PCED1B: variants seen among roughly 807,000 people sequenced by gnomAD.
PCED1B encodes the protein PC-esterase domain-containing protein 1B.
For synonymous variants in PCED1B, 251 were observed against 246.1 expected (o/e 1.02, Z -0.19); for missense variants, 573 against 573.9 (o/e 1.00, Z 0.02).
chr12:47,234,170 T>C (rs1943898974), intron 3 of PCED1B, among the ~76,000 whole-genome samples: 2 of 152,130 alleles, frequency 1.3e-5, no homozygotes, highest in Non-Finnish European at 2.9e-5. Flanking sequence ...GAATTTTTAG[T>C]AGAGACGGGG....
At chr12:47,087,780 T>C (rs1938058835) in intron 1 of PCED1B, among the ~76,000 whole-genome samples, 1 of 152,206 alleles carries the variant, frequency 6.6e-6, no homozygotes, top group Non-Finnish European at 1.5e-5. Flanking sequence ...GGGAAAACCA[T>C]TAAACGGTCA....
At chr12:47,193,941 C>G (rs541707353) in intron 2 of PCED1B, among the ~76,000 whole-genome samples, 1 of 152,292 alleles carries the variant, frequency 6.6e-6, no homozygotes, top group East Asian at 1.9e-4. Flanking sequence ...TTGCTCTTGC[C>G]CTCACTAAGC....
intron 1 of PCED1B, among the ~76,000 whole-genome samples, chr12:47,089,486 A>ATG (rs1938166684): frequency 1.1e-5 from 1 of 94,864 alleles, no homozygotes. Flanking sequence ...ATATATATAT[A>ATG]TATATATGTA....
At chr12:47,123,016 A>G (rs1470002325) in intron 2 of PCED1B, among the ~76,000 whole-genome samples, 1 of 152,224 alleles carries the variant, frequency 6.6e-6, no homozygotes, top group Non-Finnish European at 1.5e-5. Flanking sequence ...TAAGAAGCAG[A>G]ATGCAGAAAA....
At chr12:47,233,424 C>A (rs1298055771) in intron 3 of PCED1B, among the ~76,000 whole-genome samples, 1 of 152,182 alleles carries the variant, frequency 6.6e-6, no homozygotes, top group African/African-American at 2.4e-5. Context: ...AGGCGTGAGC[C>A]GCCACAATTT....
chr12:47,204,976 C>T (rs1463616906), intron 2 of PCED1B, among the ~76,000 whole-genome samples: 2 of 152,134 alleles, frequency 1.3e-5, no homozygotes, highest in Admixed American at 6.5e-5. Context: ...GTTCTCCTTG[C>T]CCACTGCCTA....
intron 2 of PCED1B, among the ~76,000 whole-genome samples, chr12:47,132,270 G>T (rs940945346): frequency 6.6e-6 from 1 of 151,992 alleles, no homozygotes; most frequent in Non-Finnish European, 1.5e-5. Context: ...CATAAACACA[G>T]TTATGGGGAA....
At chr12:47,115,599 G>C (rs1463149015) in intron 2 of PCED1B, among the ~76,000 whole-genome samples, 1 of 151,824 alleles carries the variant, frequency 6.6e-6, no homozygotes, top group African/African-American at 2.4e-5. Flanking sequence ...GCTTATTCTA[G>C]AAATGTTTCA....
intron 2 of PCED1B, among the ~76,000 whole-genome samples, chr12:47,175,867 C>G (rs933247356): frequency 1.3e-5 from 2 of 151,514 alleles, no homozygotes; most frequent in Non-Finnish European, 2.9e-5. Context: ...TCACTGTGCC[C>G]GGCCTATTTA....
chr12:47,081,300 C>T (rs1264986975), intron 1 of PCED1B, among the ~76,000 whole-genome samples: 1 of 152,138 alleles, frequency 6.6e-6, no homozygotes, highest in Non-Finnish European at 1.5e-5. Flanking sequence ...CCAACTCTTC[C>T]TCCCCTCCCC....
At chr12:47,222,116 TAAAA>T (rs63691461) in intron 3 of PCED1B, among the ~76,000 whole-genome samples, 24,156 of 119,030 alleles carry the variant, frequency 0.2, 2,390 homozygotes, top group South Asian at 0.35. Context: ...AAAAAAAAAT[TAAAA>T]AAAAAAAAAA....
rs77808542 is a variant in PCED1B, at chr12:47,159,497, G to C, written c.-526+55302G>C. 2.6e-5 allele frequency among the ~76,000 whole-genome samples: 4 copies of C among 152,054 alleles called. No individual in the cohort carries two copies. The South Asian group carries it at 6.2e-4, about 24-fold the overall frequency. On this transcript the variant is annotated intron_variant, in intron 2 of 3. Coordinates refer to ENST00000546455, the MANE Select transcript of PCED1B (RefSeq NM_138371.3). ...TTTGTTTGCATTTCTCTGATGATTA[G>C]TGATGTAGAGCATTTTGTTGGCCAT...
At chr12:47,181,497 GGGATT>G (rs1942095037) in intron 2 of PCED1B, among the ~76,000 whole-genome samples, 1 of 151,610 alleles carries the variant, frequency 6.6e-6, no homozygotes, top group African/African-American at 2.4e-5. Flanking sequence ...CCGACTAGCT[GGGATT>G]ACAAGTGTGC....
rs370211055 is a variant in PCED1B, at chr12:47,164,267, C to G, written c.-525-51955C>G. On this transcript the variant is annotated intron_variant, in intron 2 of 3. Transcript: ENST00000546455. The stretch of plus-strand genomic sequence containing the variant: ...AAAAGTCCAAAGTCTCATCTGAGAG[C>G]CTGTGAAATTTTTTTTTAAAACTTA... 5.8e-4 allele frequency among the ~76,000 whole-genome samples: 88 copies of G among 152,268 alleles called. 2 individuals carry two copies. Among genetic ancestry groups the G allele is most frequent in the African/African-American group, 2.1e-3 (88 of 41,552 alleles).
chr12:47,232,372 T>C (rs1426444595), intron 3 of PCED1B, among the ~76,000 whole-genome samples: 1 of 152,244 alleles, frequency 6.6e-6, no homozygotes, highest in Non-Finnish European at 1.5e-5. Context: ...TGTTCTCTTA[T>C]GAAACTTAAT....
intron 2 of PCED1B, among the ~76,000 whole-genome samples, chr12:47,125,873 C>G (rs1484877020): frequency 6.6e-6 from 1 of 152,052 alleles, no homozygotes; most frequent in Non-Finnish European, 1.5e-5. Flanking sequence ...TTTTGCTTAA[C>G]TCATTTACTA....
chr12:47,190,267 T>A (rs10881070), intron 2 of PCED1B, among the ~76,000 whole-genome samples: 64,873 of 152,060 alleles, frequency 0.43, 16,829 homozygotes, highest in South Asian at 0.59. Flanking sequence ...GGTTCATAAA[T>A]GGGAGCAAGT....
chr12:47,123,709 C>T (rs1275696481), intron 2 of PCED1B, among the ~76,000 whole-genome samples: 3 of 151,962 alleles, frequency 2.0e-5, no homozygotes, highest in Non-Finnish European at 2.9e-5. Flanking sequence ...ATGATAGAGC[C>T]AGGGCATCAC....
intron 2 of PCED1B, among the ~76,000 whole-genome samples, chr12:47,166,214 C>T (rs896768572): frequency 3.9e-5 from 6 of 152,204 alleles, no homozygotes; most frequent in Non-Finnish European, 7.3e-5. Flanking sequence ...CACTAGTTAA[C>T]AAACCCAGAC....
Sources: gnomAD v4.1 joint callset for allele counts (sites outside exome capture counted in the v4.1 genomes callset) on GRCh38, gnomAD v4.1.1 for gene constraint, MANE v1.5 for transcripts, NCBI Gene and HGNC (gene_info 2026-07-23, HGNC 2026-07-21) for gene names.